GATAD2B: variants seen among roughly 807,000 people sequenced by gnomAD.
GATAD2B encodes transcriptional repressor p66-beta.
In GATAD2B, 8 loss-of-function variants were observed where a neutral mutation model predicts 64.3. That is an observed-to-expected ratio of 0.12 (90% CI 0.07 to 0.22). The LOEUF is 0.22. GATAD2B is among the 10% of genes least tolerant of loss of function. The pLI is 1.00. For synonymous variants in GATAD2B, 281 were observed against 271.3 expected, an observed-to-expected ratio of 1.04 and a Z score of -0.35; for missense variants, 453 against 752.0, an observed-to-expected ratio of 0.60 and a Z score of 4.65.
intron 1 of GATAD2B, chr1:153,853,238 G>A (rs1457532697): frequency 1.3e-5 from 14 of 1,080,152 alleles, no homozygotes; most frequent in East Asian, 4.7e-5. Flanking sequence ...CATGGCCACC[G>A]AGGTGATGGT....
chr1:153,805,756 A>G lies in GATAD2B; in HGVS notation c.*4421T>C, dbSNP rs1674092965. 6.6e-6 allele frequency: 1 copy of G among 152,144 alleles called. No individual in the cohort carries two copies. Among genetic ancestry groups the G allele is most frequent in the African/African-American group, 2.4e-5 (1 of 41,424 alleles). 9.4% of individuals were successfully genotyped at this position (152,144 alleles called of 1,614,324 possible). A position where few individuals can be genotyped will look rare whatever the true frequency, so the allele number is the denominator to read the frequency against. On this transcript the variant is annotated 3_prime_UTR_variant, in exon 11 of 11. Transcript: ENST00000368655. Reference sequence around the variant, plus strand: ...CAGATAAGAAAATTGATACTCAGAAAATTAACTCTACCAAAGATCATATAG... The same window carrying G: ...CAGATAAGAAAATTGATACTCAGAAGATTAACTCTACCAAAGATCATATAG...
chr1:153,855,815 T>C (rs1676065916), intron 1 of GATAD2B, among the ~76,000 whole-genome samples: 3 of 152,136 alleles, frequency 2.0e-5, no homozygotes, highest in African/African-American at 7.2e-5. Flanking sequence ...TGGGAGTAGC[T>C]GGGACTACAG....
chr1:153,881,075 G>A (rs769443844), intron 1 of GATAD2B, among the ~76,000 whole-genome samples: 44 of 152,106 alleles, frequency 2.9e-4, no homozygotes, highest in Non-Finnish European at 5.7e-4. Flanking sequence ...CAGAGATGAC[G>A]CAGACTTCCT....
In GATAD2B at chr1:153,911,276, AAGAC is replaced by A. The variant is rs970462110; in HGVS notation, c.-2+11453_-2+11456del. 2.3e-3 allele frequency among the ~76,000 whole-genome samples: 338 copies of A among 148,872 alleles called. 2 individuals are homozygous for A. The highest frequency in any genetic ancestry group is 7.7e-3 in the African/African-American group (318 of 41,258). On this transcript the variant is annotated intron_variant, in intron 1 of 10. Transcript: ENST00000368655. Reference sequence around the variant, plus strand: ...GAGAATGGTTGGTTTTTTTTAAAGAAAGACAGAGAGCAAGAGGAGAGAATGAGAG... The same window carrying A: ...GAGAATGGTTGGTTTTTTTTAAAGAAAGAGAGCAAGAGGAGAGAATGAGAG...
chr1:153,910,446 A>C (rs1230129434), intron 1 of GATAD2B, among the ~76,000 whole-genome samples: 2 of 152,188 alleles, frequency 1.3e-5, no homozygotes, highest in Non-Finnish European at 2.9e-5. Context: ...CTTTATTACA[A>C]AATAGGCTTT....
intron 1 of GATAD2B, among the ~76,000 whole-genome samples, chr1:153,864,447 T>C (rs996385175): frequency 3.9e-5 from 6 of 152,142 alleles, no homozygotes; most frequent in Non-Finnish European, 5.9e-5. Flanking sequence ...GGAGACCTTG[T>C]CTCTACAAAA....
intron 8 of GATAD2B, among the ~76,000 whole-genome samples, 174 bp downstream of exon 8, chr1:153,813,076 A>G (rs928308857): frequency 6.6e-6 from 1 of 152,180 alleles, no homozygotes; most frequent in African/African-American, 2.4e-5. Context: ...ATATTTTACC[A>G]TGTTCTTAAT....
chr1:153,911,767 C>T (rs1467888993), intron 1 of GATAD2B, among the ~76,000 whole-genome samples: 1 of 151,806 alleles, frequency 6.6e-6, no homozygotes, highest in Admixed American at 6.6e-5. Context: ...AAAAACAAAG[C>T]CAACTTCCAA....
intron 1 of GATAD2B, among the ~76,000 whole-genome samples, chr1:153,863,893 G>C (rs1676392718): frequency 6.6e-6 from 1 of 152,064 alleles, no homozygotes; most frequent in African/African-American, 2.4e-5. Flanking sequence ...CAAAGTGCTG[G>C]GATTACAGGT....
At chr1:153,891,986 G>A (rs760597362) in intron 1 of GATAD2B, among the ~76,000 whole-genome samples, 31 of 151,408 alleles carry the variant, frequency 2.0e-4, no homozygotes, top group Non-Finnish European at 3.8e-4. Flanking sequence ...ACATGGTGAA[G>A]CCCCGTATCT....
intron 2 of GATAD2B, among the ~76,000 whole-genome samples, chr1:153,820,841 G>A (rs553998250): frequency 6.6e-6 from 1 of 152,022 alleles, no homozygotes; most frequent in Non-Finnish European, 1.5e-5. Context: ...TGTTGCCCAA[G>A]CTGGTCTTAA....
In GATAD2B at chr1:153,808,577, C is replaced by T. The variant is rs1674178317; in HGVS notation, c.*1600G>A. 6.6e-6 allele frequency: 1 copy of T among 152,568 alleles called. No individual in the cohort carries two copies. Among genetic ancestry groups the T allele is most frequent in the South Asian group, 2.1e-4 (1 of 4,828 alleles). 9.5% of individuals were successfully genotyped at this position (152,568 alleles called of 1,614,324 possible). A position where few individuals can be genotyped will look rare whatever the true frequency, so the allele number is the denominator to read the frequency against. Reference sequence around the variant, plus strand: ...TCTCCTCATTCTTCTCTGCTGAGAACATTCCCCCCAGTGCACTCTGGCAGC... The same window carrying T: ...TCTCCTCATTCTTCTCTGCTGAGAATATTCCCCCCAGTGCACTCTGGCAGC... On this transcript the variant is annotated 3_prime_UTR_variant, in exon 11 of 11. Coordinates refer to ENST00000368655, the MANE Select transcript of GATAD2B (RefSeq NM_020699.4).
intron 1 of GATAD2B, among the ~76,000 whole-genome samples, chr1:153,905,551 T>TG (rs141408640): frequency 7.3e-6 from 1 of 136,256 alleles, no homozygotes; most frequent in African/African-American, 2.8e-5. Context: ...AAAACAATTT[T>TG]GGAAAAAAAA....
At chr1:153,873,708 C>T (rs1243574975) in intron 1 of GATAD2B, among the ~76,000 whole-genome samples, 2 of 152,140 alleles carry the variant, frequency 1.3e-5, no homozygotes, top group African/African-American at 4.8e-5. Flanking sequence ...TTTTGAGAGG[C>T]CAAGGTGGAT....
rs1229298458 is a variant in GATAD2B, at chr1:153,808,371, G to A, written c.*1806C>T. ...TGGGGTGTGGGGAGTAGAGGCCAGA[G>A]TAGGGGAACTGAGCCTGATTTTAGC... On this transcript the variant is annotated 3_prime_UTR_variant, in exon 11 of 11. Coordinates refer to ENST00000368655, the MANE Select transcript of GATAD2B (RefSeq NM_020699.4). 1 of 152,654 alleles carries A rather than the reference G, an allele frequency of 6.6e-6. No homozygotes were observed. The highest frequency in any genetic ancestry group is 2.4e-5 in the African/African-American group (1 of 41,444). The allele number at this position is 152,654 out of a possible 1,614,324, so 9.5% of individuals were successfully genotyped here. A position where few individuals can be genotyped will look rare whatever the true frequency, so the allele number is the denominator to read the frequency against.
At chr1:153,818,319 T>C (rs1032712555) in intron 4 of GATAD2B, 148 bp from the exon 5 acceptor site, 28 of 534,330 alleles carry the variant, frequency 5.2e-5, no homozygotes, top group South Asian at 2.6e-4. Context: ...GTTTTCTTTT[T>C]TTTTTTTTTT....
intron 2 of GATAD2B, among the ~76,000 whole-genome samples, chr1:153,824,072 CTG>C (rs1557786216): frequency 6.6e-6 from 1 of 152,146 alleles, no homozygotes; most frequent in Non-Finnish European, 1.5e-5. Flanking sequence ...GTGGAAATAG[CTG>C]TCAGTATATC....
chr1:153,853,246 G>A, intron 1 of GATAD2B: 1 of 1,048,218 alleles, frequency 9.5e-7, no homozygotes, highest in East Asian at 2.4e-5. Flanking sequence ...CCGAGGTGAT[G>A]GTCTTCACAC....
intron 8 of GATAD2B, among the ~76,000 whole-genome samples, chr1:153,812,897 T>C (rs915782803): frequency 6.6e-6 from 1 of 152,216 alleles, no homozygotes; most frequent in African/African-American, 2.4e-5. Context: ...TCATTTCTTA[T>C]CAAACACGCA....
Sources: allele counts gnomAD v4.1 joint callset (sites outside exome capture counted in the v4.1 genomes callset), GRCh38; gene constraint gnomAD v4.1.1; transcripts MANE v1.5; gene names NCBI Gene and HGNC (gene_info 2026-07-23, HGNC 2026-07-21).